Variants in SIRPB1 observed in about 807,000 individuals in gnomAD.
SIRPB1 encodes signal-regulatory protein beta-1.
A neutral mutation model predicts 34.1 loss-of-function variants in SIRPB1; 28 were observed. That is an observed-to-expected ratio of 0.82 (90% CI 0.61 to 1.12). SIRPB1 has a LOEUF of 1.12. Ranked by LOEUF, SIRPB1 falls within the 50% of genes most tolerant of loss-of-function variation. The pLI is 0.00. For missense variants in SIRPB1, 499 were observed against 507.0 expected, an observed-to-expected ratio of 0.98 and a Z score of 0.15; for synonymous variants, 211 against 203.8, an observed-to-expected ratio of 1.04 and a Z score of -0.30.
rs1252365987 is a variant in SIRPB1 at position 1,571,026 on chromosome 20, T to G, written c.863A>C (p.Glu288Ala). ...YPRGLQLTWL[E>A]NGNVSRTETA... ...TTCTGTCCGGGACACATTTCCATTC[T>G]CCAACCAGGTCAGCTGTAGTCCCCG... The change falls in exon 4 of 6, where the codon GAG (glutamate) becomes GCG (alanine). Residue 288 changes from glutamate to alanine, a missense_variant. Coordinates refer to ENST00000381605, the MANE Select transcript of SIRPB1 (RefSeq NM_006065.5). 2 of 1,614,162 alleles carry G rather than the reference T, an allele frequency of 1.2e-6. No individual in the cohort carries two copies. The highest frequency in any genetic ancestry group is 1.7e-5 in the Admixed American group (1 of 60,024).
chr20:1,571,354 G>A (rs189969407), intron 3 of SIRPB1, among the ~76,000 whole-genome samples: 57 of 152,370 alleles, frequency 3.7e-4, no homozygotes, highest in African/African-American at 1.3e-3. Context: ...GTTAGCTGCT[G>A]CTAGGCTAAG....
intron 1 of SIRPB1, among the ~76,000 whole-genome samples, chr20:1,618,399 T>C (rs1267919023): frequency 6.6e-6 from 1 of 152,162 alleles, no homozygotes; most frequent in Non-Finnish European, 1.5e-5. Context: ...TAGGGGACAA[T>C]GAATGGACAA....
intron 2 of SIRPB1, among the ~76,000 whole-genome samples, chr20:1,577,863 G>A (rs1168615276): frequency 2.0e-5 from 3 of 147,646 alleles, no homozygotes; most frequent in Non-Finnish European, 4.6e-5. Flanking sequence ...GTGGGGGAGC[G>A]CTTTAGGCTG....
rs1027645191 is a variant in SIRPB1, at chr20:1,597,687, G to C, written c.77-18993C>G. 4 of 287,088 alleles carry C rather than the reference G, an allele frequency of 1.4e-5. 1 individual carries two copies. In the Admixed American group the frequency reaches 5.2e-4, roughly 37 times the overall value. The allele number at this position is 287,088 out of a possible 1,614,324, so 17.8% of individuals were successfully genotyped here. The stretch of plus-strand genomic sequence containing the variant: ...AAAAAATATCCAAATTATATCATAC[G>C]TATAAACAAAGAGGAAGGATAATCA... On this transcript the variant is annotated intron_variant, in intron 1 of 5. Transcript: ENST00000381605.
In SIRPB1 at chr20:1,611,616, G is replaced by A. The variant is rs1135199; in HGVS notation, c.76+8253C>T. The A allele has an allele frequency of 9.5e-6, 12 of 1,268,098 alleles. 2 individuals are homozygous for A. The highest frequency in any genetic ancestry group is 2.2e-4 in the Middle Eastern group (1 of 4,546). The allele number at this position is 1,268,098 out of a possible 1,614,324, so 78.6% of individuals were successfully genotyped here. A position where few individuals can be genotyped will look rare whatever the true frequency, so the allele number is the denominator to read the frequency against. The stretch of plus-strand genomic sequence containing the variant: ...ACTGGATGGGCCCCACAGGGATCAG[G>A]GAAGTCACAGTGCAGTGCAGAGTGG... On this transcript the variant is annotated intron_variant, in intron 1 of 5. Transcript: ENST00000381605.
chr20:1,608,081 T>C, intron 1 of SIRPB1, among the ~76,000 whole-genome samples: 2 of 139,422 alleles, frequency 1.4e-5, no homozygotes, highest in African/African-American at 2.6e-5. Flanking sequence ...AAGGCAAGAC[T>C]GGCCCAAGAT....
At position 1,603,936 on chromosome 20, in the gene SIRPB1, A is replaced by G. The variant is rs1458427390; in HGVS notation, c.76+15933T>C. On this transcript the variant is annotated intron_variant, in intron 1 of 5. Transcript: ENST00000381605. ...AGCTTCACATCATCCCTGTGGGCAG[A>G]TACATTCACCAGGAGCCAGCTCATC... The G allele has an allele frequency of 3.3e-6, 2 of 609,786 alleles. 1 individual carries two copies. The highest frequency in any genetic ancestry group is 5.9e-5 in the Admixed American group (2 of 33,818). The allele number at this position is 609,786 out of a possible 1,614,324, so 37.8% of individuals were successfully genotyped here. A position where few individuals can be genotyped will look rare whatever the true frequency, so the allele number is the denominator to read the frequency against.
chr20:1,579,245 C>G (rs1339183613), intron 1 of SIRPB1, among the ~76,000 whole-genome samples: 1 of 148,284 alleles, frequency 6.7e-6, no homozygotes, highest in Non-Finnish European at 1.5e-5. Context: ...AGCCACCGCG[C>G]CTGGCCAAGA....
At chr20:1,568,860 A>T (rs1322473543) in intron 4 of SIRPB1, among the ~76,000 whole-genome samples, 1 of 152,210 alleles carries the variant, frequency 6.6e-6, no homozygotes, top group Non-Finnish European at 1.5e-5. Context: ...AATGAAACTG[A>T]AAACACAAAA....
In SIRPB1 at chr20:1,610,878, A is replaced by C. The variant is rs1424555069; in HGVS notation, c.76+8991T>G. 2.7e-5 allele frequency among the ~76,000 whole-genome samples: 2 copies of C among 72,856 alleles called. 1 individual carries two copies. The highest frequency in any genetic ancestry group is 0.014 in the Middle Eastern group (2 of 142). The allele number at this position is 72,856 out of a possible 152,430, so 47.8% of individuals were successfully genotyped here. A position where few individuals can be genotyped will look rare whatever the true frequency, so the allele number is the denominator to read the frequency against. ...GGAAGAGAATGTAAGCTTGGTGGGG[A>C]AGAGCTTTGGGCTGTTTCATTCACT... On this transcript the variant is annotated intron_variant, in intron 1 of 5. Transcript: ENST00000381605.
Position 1,604,775 on chromosome 20 carries a change from G to A in SIRPB1, c.76+15094C>T. 2 of 649,526 alleles carry A rather than the reference G, an allele frequency of 3.1e-6. 1 individual carries two copies. Among genetic ancestry groups the A allele is most frequent in the East Asian group, 1.2e-4 (2 of 16,728 alleles). 40.2% of individuals were successfully genotyped at this position (649,526 alleles called of 1,614,324 possible). On this transcript the variant is annotated intron_variant, in intron 1 of 5. Transcript: ENST00000381605. ...GTCTCAGACAAGTTGGCAGTCCCAC[G>A]AAGAGGGTCCCCCTGCAAGGTGACG...
Position 1,566,409 on chromosome 20 carries a change from G to A in SIRPB1, c.1085-142C>T, listed in dbSNP as rs1176303841. 7 of 557,744 alleles carry A rather than the reference G, an allele frequency of 1.3e-5. No homozygotes were observed. The East Asian group carries it at 2.1e-4, about 17-fold the overall frequency. The allele number at this position is 557,744 out of a possible 1,614,324, so 34.5% of individuals were successfully genotyped here. A position where few individuals can be genotyped will look rare whatever the true frequency, so the allele number is the denominator to read the frequency against. On this transcript the variant is annotated intron_variant, in intron 4 of 5. Coordinates refer to ENST00000381605, the MANE Select transcript of SIRPB1 (RefSeq NM_006065.5). ...ACTTGCATCCTGCTCTGGCTTTCCTGACTCCAGCCGAAAGCAAAGGCCAGG... is the reference window on the plus strand; with the variant it reads ...ACTTGCATCCTGCTCTGGCTTTCCTAACTCCAGCCGAAAGCAAAGGCCAGG...
rs1359519204 is a variant in SIRPB1 at position 1,599,036 on chromosome 20, G to T, written c.77-20342C>A. The T allele has an allele frequency of 9.2e-6, 2 of 218,016 alleles. 1 individual carries two copies. Among genetic ancestry groups the T allele is most frequent in the Admixed American group, 9.7e-5 (2 of 20,614 alleles). The allele number at this position is 218,016 out of a possible 1,614,324, so 13.5% of individuals were successfully genotyped here. A position where few individuals can be genotyped will look rare whatever the true frequency, so the allele number is the denominator to read the frequency against. On this transcript the variant is annotated intron_variant, in intron 1 of 5. Transcript: ENST00000381605. The stretch of plus-strand genomic sequence containing the variant: ...CCTGAGGCTACCTGGGACCATCAAT[G>T]CTCCAAAGCTTTTGAAACTGCATCT...
rs1568690047 is a variant in SIRPB1, at chr20:1,578,075, G to A, written c.433+263C>T. 1.2e-5 allele frequency: 6 copies of A among 503,650 alleles called. 1 individual carries two copies. Among genetic ancestry groups the A allele is most frequent in the Non-Finnish European group, 2.2e-5 (6 of 276,480 alleles). The allele number at this position is 503,650 out of a possible 1,614,324, so 31.2% of individuals were successfully genotyped here. A position where few individuals can be genotyped will look rare whatever the true frequency, so the allele number is the denominator to read the frequency against. On this transcript the variant is annotated intron_variant, in intron 2 of 5. Coordinates refer to ENST00000381605, the MANE Select transcript of SIRPB1 (RefSeq NM_006065.5). ...CTCATCTGTGGAACCAAAGGGCTGG[G>A]TCAGCTTTGGAAACACAAGAGCTGT...
At position 1,570,947 on chromosome 20, in the gene SIRPB1, C is replaced by T. The variant is rs1222202516; in HGVS notation, c.942G>A (p.Trp314Ter). The change falls in exon 4 of 6, where the codon TGG becomes TGA. Residue 314 changes from tryptophan to a stop codon, truncating the protein, a stop_gained. Coordinates refer to ENST00000381605, the MANE Select transcript of SIRPB1 (RefSeq NM_006065.5). LOFTEE classifies it high-confidence loss of function. ...TGTGGGCACAGGTGTTCACCAGGAG[C>T]CAGCTCATCCAGTTGTAGGTGCCAT... ...NKDGTYNWMS[W>*]LLVNTCAHRD... is the part of the protein sequence containing the mutation. 6.2e-7 allele frequency: 1 copy of T among 1,614,138 alleles called. No individual in the cohort carries two copies. The highest frequency in any genetic ancestry group is 8.5e-7 in the Non-Finnish European group (1 of 1,180,008).
chr20:1,562,567 C>T lies in SIRPB1; in HGVS notation c.*2933G>A, dbSNP rs973220849. Among the ~76,000 whole-genome samples, 3 of 152,126 alleles carry T rather than the reference C, an allele frequency of 2.0e-5. No homozygotes were observed. Among genetic ancestry groups the T allele is most frequent in the East Asian group, 3.8e-4 (2 of 5,198 alleles). ...TAGTTTAGTTAAGTAACATCAGTCC[C>T]ACAACACAAGTCTCAAAATTTAGGT... On this transcript the variant is annotated 3_prime_UTR_variant, in exon 6 of 6. Transcript: ENST00000381605.
At position 1,571,891 on chromosome 20, in the gene SIRPB1, G is replaced by A. The variant is rs765921441; in HGVS notation, c.580C>T (p.Gln194Ter). The A allele has an allele frequency of 1.9e-6, 3 of 1,614,216 alleles. No homozygotes were observed. The highest frequency in any genetic ancestry group is 3.3e-4 in the Middle Eastern group (2 of 6,060). ...TCTCCTGCGGGGTCCACGTTGGTCT[G>A]GAAGTCTGAGAGCTCATTCCCATTT... ...FKNGNELSDFQTNVDPAGDSV... is the reference protein window; with the variant it reads ...FKNGNELSDF Residue 194 changes from glutamine (Q) to a stop codon, truncating the protein, a stop_gained, in exon 3 of 6, where the codon CAG becomes TAG. Transcript: ENST00000381605. LOFTEE classifies it high-confidence loss of function.
At chr20:1,570,732 T>A in intron 4 of SIRPB1, 73 bp downstream of exon 4, 1 of 1,228,682 alleles carries the variant, frequency 8.1e-7, no homozygotes, top group Non-Finnish European at 1.1e-6. Context: ...TCTAGCTTAT[T>A]TTATGACAAG....
rs16995228 is a variant in SIRPB1 at position 1,565,211 on chromosome 20, C to T, written c.*289G>A. The T allele has an allele frequency of 0.16, 62,231 of 394,888 alleles. 5,534 individuals are homozygous for T. The highest frequency in any genetic ancestry group is 0.2 in the Middle Eastern group (312 of 1,578). 24.5% of individuals were successfully genotyped at this position (394,888 alleles called of 1,614,324 possible). A position where few individuals can be genotyped will look rare whatever the true frequency, so the allele number is the denominator to read the frequency against. On this transcript the variant is annotated 3_prime_UTR_variant, in exon 6 of 6. Transcript: ENST00000381605. The stretch of plus-strand genomic sequence containing the variant: ...TGGTTTATGGCCAGTCCCAAGGCGA[C>T]GGATGGGAGAAGTCCTGGTGTGTTT...
Sources: allele counts gnomAD v4.1 joint callset (sites outside exome capture counted in the v4.1 genomes callset), GRCh38; gene constraint gnomAD v4.1.1; transcripts MANE v1.5; gene names NCBI Gene and HGNC (gene_info 2026-07-23, HGNC 2026-07-21).